Variants in PLCL1 observed in about 807,000 individuals in gnomAD.
PLCL1 encodes the protein phospholipase C like 1 (inactive).
Under a neutral mutation model 84.4 loss-of-function variants are expected in PLCL1, and 41 were observed. The observed-to-expected ratio is 0.49, with a 90% CI of 0.38 to 0.63. The LOEUF is 0.63. PLCL1 is among the 30% of genes least tolerant of loss of function. PLCL1 has a pLI of 0.00. For missense variants in PLCL1, 1,206 were observed against 1,367.8 expected (o/e 0.88, Z 1.87); for synonymous variants, 490 against 488.3 (o/e 1.00, Z -0.05).
chr2:197,934,294 G>C (rs1032676421), intron 1 of PLCL1, among the ~76,000 whole-genome samples: 13 of 152,178 alleles, frequency 8.5e-5, no homozygotes, highest in African/African-American at 2.9e-4. Context: ...AGCTGGGGAT[G>C]ATATATAATA....
At chr2:197,816,188 C>T (rs1219267496) in intron 1 of PLCL1, among the ~76,000 whole-genome samples, 2 of 152,092 alleles carry the variant, frequency 1.3e-5, no homozygotes, top group African/African-American at 4.8e-5. Context: ...GCAACCACCA[C>T]CCTGATCAGT....
chr2:198,079,167 T>C (rs1692650895), intron 1 of PLCL1, among the ~76,000 whole-genome samples: 1 of 151,930 alleles, frequency 6.6e-6, no homozygotes, highest in African/African-American at 2.4e-5. Flanking sequence ...CCAATCTTAT[T>C]GGGCTTAGGG....
At chr2:198,073,359 A>G (rs1392481600) in intron 1 of PLCL1, among the ~76,000 whole-genome samples, 1 of 152,170 alleles carries the variant, frequency 6.6e-6, no homozygotes, top group Non-Finnish European at 1.5e-5. Context: ...GATATCTGCC[A>G]TCTGTTCCTT....
In PLCL1 at chr2:198,085,520, C is replaced by T; in HGVS notation, c.2003C>T (p.Ala668Val). The T allele has an allele frequency of 6.2e-7, 1 of 1,613,914 alleles. No individual in the cohort carries two copies. Among genetic ancestry groups the T allele is most frequent in the Admixed American group, 1.7e-5 (1 of 60,014 alleles). Residue 668 changes from alanine to valine, a missense_variant, in exon 2 of 6, where the codon GCA becomes GTA. Physicochemically the swap from Ala to Val is moderately conservative, Grantham distance 64. Coordinates refer to ENST00000428675, the MANE Select transcript of PLCL1 (RefSeq NM_006226.4). The surrounding 1 kb of genome is among the most constrained non-coding windows in gnomAD (Gnocchi z 5.3). The part of the protein sequence containing the change: ...DFWNCGCQIV[A>V]MNFQTPGPMM... ...TGGAATTGTGGCTGTCAGATTGTAG[C>T]AATGAATTTTCAGACTCCGGGTCCA... is the stretch of plus-strand genomic sequence containing the variant.
intron 1 of PLCL1, among the ~76,000 whole-genome samples, chr2:197,878,186 G>A (rs899840001): frequency 2.0e-5 from 3 of 152,086 alleles, no homozygotes; most frequent in Non-Finnish European, 4.4e-5. Flanking sequence ...GTACTATGTT[G>A]CCTTGTCCTG....
chr2:197,964,333 GTATTT>G (rs1051018459), intron 1 of PLCL1, among the ~76,000 whole-genome samples: 93 of 151,968 alleles, frequency 6.1e-4, no homozygotes, highest in African/African-American at 1.5e-3. Context: ...TAATTCCTGG[GTATTT>G]TATTTTATTT....
chr2:197,854,491 A>T (rs972672329), intron 1 of PLCL1, among the ~76,000 whole-genome samples: 1 of 152,224 alleles, frequency 6.6e-6, no homozygotes, highest in Non-Finnish European at 1.5e-5. Context: ...AGCAAAAAAA[A>T]ATCTTCAAAT....
At chr2:198,134,079 G>T (rs1376760826) in intron 5 of PLCL1, among the ~76,000 whole-genome samples, 2 of 152,058 alleles carry the variant, frequency 1.3e-5, no homozygotes, top group African/African-American at 4.8e-5. Flanking sequence ...CTGAAAAATT[G>T]GGAAATATGG....
chr2:197,815,693 C>G (rs868866745), intron 1 of PLCL1, among the ~76,000 whole-genome samples: 1 of 152,054 alleles, frequency 6.6e-6, no homozygotes, highest in Non-Finnish European at 1.5e-5. Context: ...GTAAAAATAT[C>G]AACATTAGCA....
intron 5 of PLCL1, among the ~76,000 whole-genome samples, chr2:198,114,875 G>A (rs906337040): frequency 1.3e-5 from 2 of 151,744 alleles, no homozygotes; most frequent in East Asian, 3.9e-4. Flanking sequence ...CACAGACATT[G>A]TCAAATAAAG....
intron 1 of PLCL1, among the ~76,000 whole-genome samples, chr2:197,906,108 T>A (rs1688376844): frequency 6.6e-6 from 1 of 152,242 alleles, no homozygotes; most frequent in South Asian, 2.1e-4. Flanking sequence ...TTGTTGCAAT[T>A]GCTTTGGTGT....
chr2:198,006,425 T>G (rs982519131), intron 1 of PLCL1, among the ~76,000 whole-genome samples: 1 of 152,168 alleles, frequency 6.6e-6, no homozygotes, highest in African/African-American at 2.4e-5. Flanking sequence ...GTAAAGGAAG[T>G]ATAACTTTTG....
intron 1 of PLCL1, among the ~76,000 whole-genome samples, chr2:197,847,331 A>G (rs1259499052): frequency 6.6e-6 from 1 of 152,184 alleles, no homozygotes; most frequent in Admixed American, 6.6e-5. Flanking sequence ...ATAAATGGTC[A>G]GCCCCAGATC....
chr2:198,145,170 C>T (rs982145573), intron 5 of PLCL1, among the ~76,000 whole-genome samples: 2 of 151,934 alleles, frequency 1.3e-5, no homozygotes, highest in African/African-American at 4.8e-5. Context: ...GTGGATGTGA[C>T]TTCACTTTTT....
At chr2:197,999,144 A>G (rs1690538390) in intron 1 of PLCL1, among the ~76,000 whole-genome samples, 1 of 152,162 alleles carries the variant, frequency 6.6e-6, no homozygotes, top group Non-Finnish European at 1.5e-5. Context: ...TGGAAGCCCA[A>G]GAGAAACACA....
Position 198,085,764 on chromosome 2 carries a change from T to C in PLCL1, c.2247T>C (p.Tyr749=), listed in dbSNP as rs1692860763. ...ACAKGDVIDP[Y]VCIEIHGIPA... ...CCAAAGGGGATGTCATAGATCCCTA[T>C]GTTTGTATAGAGATACACGGAATTC... Residue 749 remains tyrosine, a synonymous_variant, in exon 2 of 6, where the codon TAT becomes TAC. Transcript: ENST00000428675. This position sits in a 1 kb window ranked among gnomAD's most constrained non-coding sequence, Gnocchi z 5.3. The C allele has an allele frequency of 6.2e-7, 1 of 1,614,006 alleles. No individual in the cohort carries two copies. The highest frequency in any genetic ancestry group is 8.5e-7 in the Non-Finnish European group (1 of 1,179,868).
chr2:197,944,195 C>T (rs573597797), intron 1 of PLCL1, among the ~76,000 whole-genome samples: 1 of 152,122 alleles, frequency 6.6e-6, no homozygotes, highest in African/African-American at 2.4e-5. Flanking sequence ...GCCCTCTCAA[C>T]ATATCATTCT....
At chr2:198,063,423 C>A (rs1692251429) in intron 1 of PLCL1, among the ~76,000 whole-genome samples, 1 of 152,096 alleles carries the variant, frequency 6.6e-6, no homozygotes, top group South Asian at 2.1e-4. Flanking sequence ...CAGAAGCAAA[C>A]TCAAAGTGAA....
intron 5 of PLCL1, among the ~76,000 whole-genome samples, chr2:198,105,601 G>GGTGTAT (rs1693456631): frequency 1.4e-5 from 2 of 143,722 alleles, no homozygotes; most frequent in Non-Finnish European, 3.0e-5. Context: ...TAATTTGCCT[G>GGTGTAT]GTGTGTGTGT....
Sources: allele counts gnomAD v4.1 joint callset (sites outside exome capture counted in the v4.1 genomes callset), GRCh38; gene constraint gnomAD v4.1.1; non-coding constraint Gnocchi (gnomAD v3.1); transcripts MANE v1.5; gene names NCBI Gene and HGNC (gene_info 2026-07-23, HGNC 2026-07-21).